SCAPER: variants seen among roughly 807,000 people sequenced by gnomAD.
The protein encoded by SCAPER is S-phase cyclin A associated protein in the ER, also known as S phase cyclin A-associated protein in the endoplasmic reticulum.
In SCAPER, 98 loss-of-function variants were observed where a neutral mutation model predicts 182.2. That is an observed-to-expected ratio of 0.54 (90% CI 0.46 to 0.64). The LOEUF is 0.64. Among genes scored for constraint, SCAPER ranks in the 30% least tolerant of loss-of-function variants. SCAPER has a pLI of 0.00. For missense variants in SCAPER, 1,432 were observed against 1,690.0 expected (o/e 0.85, Z 2.68); for synonymous variants, 605 against 564.6 (o/e 1.07, Z -1.01).
chr15:76,405,291 T>A (rs1313672181), intron 26 of SCAPER, among the ~76,000 whole-genome samples: 1 of 151,902 alleles, frequency 6.6e-6, no homozygotes, highest in Non-Finnish European at 1.5e-5. Flanking sequence ...TTTTTTTTTT[T>A]TATTTGTAGA....
At chr15:76,773,311 T>A (rs1158737801) in intron 9 of SCAPER, among the ~76,000 whole-genome samples, 2 of 151,904 alleles carry the variant, frequency 1.3e-5, no homozygotes, top group Non-Finnish European at 3.0e-5. Flanking sequence ...ACTGAAAAAT[T>A]TTAGCAATAG....
At chr15:76,529,343 G>C (rs554060602) in intron 23 of SCAPER, among the ~76,000 whole-genome samples, 22 of 152,140 alleles carry the variant, frequency 1.4e-4, no homozygotes, top group African/African-American at 4.1e-4. Flanking sequence ...ACCATTCCCC[G>C]CCAGAACTTT....
chr15:76,827,260 C>T (rs2068091196), intron 5 of SCAPER, among the ~76,000 whole-genome samples: 1 of 152,136 alleles, frequency 6.6e-6, no homozygotes, highest in Non-Finnish European at 1.5e-5. Flanking sequence ...TTATTTCATC[C>T]TGTTGCATTA....
intron 8 of SCAPER, 154 bp downstream of exon 8, chr15:76,795,126 G>T: frequency 1.4e-6 from 1 of 695,176 alleles, no homozygotes; most frequent in Non-Finnish European, 2.2e-6. Context: ...AAGTAGTTTT[G>T]CTCGGCTTTT....
rs1334680987 is a variant in SCAPER, at chr15:76,733,436, A to G, written c.1867-52T>C. 8 of 1,573,566 alleles carry G rather than the reference A, an allele frequency of 5.1e-6. No individual in the cohort carries two copies. In the East Asian group the frequency reaches 9.0e-5, roughly 18 times the overall value. On this transcript the variant is annotated intron_variant, in intron 15 of 31. Coordinates refer to ENST00000563290, the MANE Select transcript of SCAPER (RefSeq NM_020843.4). ...TCAGATCAAGTTAATTCTAGGGCACATTACAAAAATAAGAAATCTAACAAC... is the reference window on the plus strand; with the variant it reads ...TCAGATCAAGTTAATTCTAGGGCACGTTACAAAAATAAGAAATCTAACAAC...
chr15:76,385,534 G>A (rs900933066), intron 27 of SCAPER, among the ~76,000 whole-genome samples: 7 of 152,062 alleles, frequency 4.6e-5, no homozygotes, highest in Non-Finnish European at 8.8e-5. Context: ...TGTTGGAGTG[G>A]GTGAGACTAA....
At chr15:76,741,121 A>C (rs1199130106) in intron 15 of SCAPER, among the ~76,000 whole-genome samples, 1 of 152,116 alleles carries the variant, frequency 6.6e-6, no homozygotes. Flanking sequence ...CTTCCCTTAA[A>C]ATGGAACTAA....
intron 6 of SCAPER, among the ~76,000 whole-genome samples, chr15:76,800,615 T>C (rs1215170660): frequency 1.3e-5 from 2 of 152,188 alleles, no homozygotes; most frequent in East Asian, 1.9e-4. Flanking sequence ...ACTACTCCAA[T>C]TACCTCAAAA....
At chr15:76,751,714 T>C (rs2062094140) in intron 15 of SCAPER, among the ~76,000 whole-genome samples, 1 of 151,618 alleles carries the variant, frequency 6.6e-6, no homozygotes, top group Non-Finnish European at 1.5e-5. Context: ...TAACACCACA[T>C]ACTGAAATTA....
At chr15:76,535,320 G>A (rs923810587) in intron 23 of SCAPER, among the ~76,000 whole-genome samples, 7 of 151,726 alleles carry the variant, frequency 4.6e-5, no homozygotes, top group East Asian at 1.9e-4. Context: ...TCAGGAGATC[G>A]AGACCATCCT....
chr15:76,358,184 A>C (rs1181267751), intron 29 of SCAPER, among the ~76,000 whole-genome samples: 1 of 152,248 alleles, frequency 6.6e-6, no homozygotes, highest in Non-Finnish European at 1.5e-5. Context: ...TTTGGGACAA[A>C]TCAGATGGAA....
chr15:76,371,762 T>C (rs1476498432), intron 29 of SCAPER, among the ~76,000 whole-genome samples: 2 of 151,394 alleles, frequency 1.3e-5, no homozygotes, highest in Non-Finnish European at 2.9e-5. Flanking sequence ...CTACTAAAAA[T>C]ACAAAATTAG....
At chr15:76,550,652 C>T (rs981455256) in intron 23 of SCAPER, among the ~76,000 whole-genome samples, 2 of 152,158 alleles carry the variant, frequency 1.3e-5, no homozygotes, top group East Asian at 1.9e-4. Context: ...CTGCAATAAA[C>T]ATACGTGTGC....
rs573720753 is a variant in SCAPER at position 76,597,438 on chromosome 15, A to C, written c.2712-23154T>G. On this transcript the variant is annotated intron_variant, in intron 22 of 31. Coordinates refer to ENST00000563290, the MANE Select transcript of SCAPER (RefSeq NM_020843.4). Reference sequence around the variant, plus strand: ...AACCTACCATTGACTTTCTTCACAGAATTAGAAAAAACTACTTTAAATTTC... The same window carrying C: ...AACCTACCATTGACTTTCTTCACAGCATTAGAAAAAACTACTTTAAATTTC... 1.6e-5 allele frequency among the ~76,000 whole-genome samples: 2 copies of C among 121,960 alleles called. 1 individual carries two copies. 80.0% of individuals were successfully genotyped at this position (121,960 alleles called of 152,430 possible).
Position 76,800,434 on chromosome 15 carries a change from G to C in SCAPER, c.495-70C>G, listed in dbSNP as rs940624844. The C allele has an allele frequency of 8.4e-6, 8 of 955,486 alleles. No individual in the cohort carries two copies. In the African/African-American group the frequency reaches 1.1e-4, roughly 14 times the overall value. The allele number at this position is 955,486 out of a possible 1,614,324, so 59.2% of individuals were successfully genotyped here. ...GGAGAAACAAATAATCTTTTCTCTT[G>C]GTTGTTAGTGGCTGAAAAAATAATC... On this transcript the variant is annotated intron_variant, in intron 6 of 31. Transcript: ENST00000563290.
intron 20 of SCAPER, among the ~76,000 whole-genome samples, chr15:76,692,409 C>T (rs1468650596): frequency 6.6e-6 from 1 of 152,024 alleles, no homozygotes; most frequent in East Asian, 1.9e-4. Flanking sequence ...AACATGAAGG[C>T]TGGGCGTGGT....
At chr15:76,846,922 G>A (rs1326372214) in intron 4 of SCAPER, among the ~76,000 whole-genome samples, 1 of 151,952 alleles carries the variant, frequency 6.6e-6, no homozygotes, top group Admixed American at 6.6e-5. Flanking sequence ...TTGCAGCACT[G>A]TTCAAAACAG....
chr15:76,355,059 T>C lies in SCAPER; in HGVS notation c.3856-919A>G, dbSNP rs569638278. 1.4e-4 allele frequency among the ~76,000 whole-genome samples: 22 copies of C among 152,330 alleles called. 1 individual carries two copies. In the South Asian group the frequency reaches 3.3e-3, roughly 23 times the overall value. On this transcript the variant is annotated intron_variant, in intron 29 of 31. Transcript: ENST00000563290. ...AATTGTACTTGGAAAAACACAATTTTACAGGTACACACCCAGACAGGACTA... is the reference window on the plus strand; with the variant it reads ...AATTGTACTTGGAAAAACACAATTTCACAGGTACACACCCAGACAGGACTA...
At chr15:76,530,441 G>T (rs2043557917) in intron 23 of SCAPER, among the ~76,000 whole-genome samples, 1 of 152,134 alleles carries the variant, frequency 6.6e-6, no homozygotes, top group African/African-American at 2.4e-5. Flanking sequence ...ACCATGTTCT[G>T]AACCTTTCAA....
Sources: allele counts gnomAD v4.1 joint callset (sites outside exome capture counted in the v4.1 genomes callset), GRCh38; gene constraint gnomAD v4.1.1; transcripts MANE v1.5; gene names NCBI Gene and HGNC (gene_info 2026-07-23, HGNC 2026-07-21).